DNAH7: variants seen among roughly 807,000 people sequenced by gnomAD.
The protein encoded by DNAH7 is axonemal beta dynein heavy chain 7.
DNAH7 carries 397 observed loss-of-function variants against 444.6 expected under a neutral mutation model. The observed-to-expected ratio is 0.89, with a 90% CI of 0.82 to 0.97. The LOEUF is 0.97. Among genes scored for constraint, DNAH7 ranks in the 50% least tolerant of loss-of-function variants. The pLI, the probability that DNAH7 is intolerant of heterozygous loss-of-function variation, is 0.00. For missense variants in DNAH7, 4,902 were observed against 4,800.8 expected (o/e 1.02, Z -0.62); for synonymous variants, 1,636 against 1,624.4 (o/e 1.01, Z -0.17).
chr2:195,862,476 A>G (rs1360552709), intron 41 of DNAH7, among the ~76,000 whole-genome samples: 1 of 152,142 alleles, frequency 6.6e-6, no homozygotes, highest in African/African-American at 2.4e-5. Flanking sequence ...AATATAAATC[A>G]GCTCATGTCA....
chr2:196,056,253 T>G (rs974385540), intron 2 of DNAH7, among the ~76,000 whole-genome samples: 22 of 152,016 alleles, frequency 1.4e-4, no homozygotes, highest in African/African-American at 5.3e-4. Flanking sequence ...GAGACCAGCC[T>G]GGCCAACATG....
In DNAH7 at chr2:195,865,014, C is replaced by A; in HGVS notation, c.6641G>T (p.Arg2214Leu). ...GTCCAGAAGGCGGTCATAATACACTCGAAGGACCTGTATAATAATTAAAAA... is the reference window on the plus strand; with the variant it reads ...GTCCAGAAGGCGGTCATAATACACTAGAAGGACCTGTATAATAATTAAAAA... ...IKRLWVHEVL[R>L]VYYDRLLDNT... Residue 2214 changes from arginine to leucine, a missense_variant, in exon 41 of 65, where the codon CGA becomes CTA. Physicochemically the swap from Arg to Leu is moderately radical, Grantham distance 102. Transcript: ENST00000312428. The A allele has an allele frequency of 6.3e-7, 1 of 1,588,026 alleles. No homozygotes were observed. The highest frequency in any genetic ancestry group is 1.1e-5 in the South Asian group (1 of 88,896).
intron 61 of DNAH7, 73 bp downstream of exon 61, chr2:195,771,587 A>C: frequency 8.8e-7 from 1 of 1,134,396 alleles, no homozygotes; most frequent in Non-Finnish European, 1.3e-6. Context: ...ATTTGTGCTA[A>C]ACAAGTATTT....
chr2:195,875,913 T>A, intron 37 of DNAH7, 70 bp from the exon 38 acceptor site: 2 of 1,410,886 alleles, frequency 1.4e-6, no homozygotes, highest in Non-Finnish European at 1.9e-6. Flanking sequence ...GTGTAAACAA[T>A]ATTGAGGCAA....
intron 9 of DNAH7, among the ~76,000 whole-genome samples, chr2:196,015,723 C>T (rs1694979773): frequency 6.6e-6 from 1 of 152,158 alleles, no homozygotes; most frequent in Non-Finnish European, 1.5e-5. Flanking sequence ...TTAACATTCC[C>T]CAACCCACTG....
chr2:196,010,022 G>T (rs192825239), intron 10 of DNAH7, among the ~76,000 whole-genome samples: 1 of 152,216 alleles, frequency 6.6e-6, no homozygotes, highest in African/African-American at 2.4e-5. Flanking sequence ...ATCTCACTCT[G>T]GTTAAAAATG....
At chr2:196,020,698 C>A (rs1312549695) in intron 8 of DNAH7, among the ~76,000 whole-genome samples, 2 of 151,556 alleles carry the variant, frequency 1.3e-5, no homozygotes, top group African/African-American at 2.4e-5. Flanking sequence ...GCAGCCTCCA[C>A]CTCCTGGGTT....
At chr2:195,897,392 A>C (rs577772927) in intron 29 of DNAH7, among the ~76,000 whole-genome samples, 40 of 152,290 alleles carry the variant, frequency 2.6e-4, no homozygotes, top group African/African-American at 9.4e-4. Flanking sequence ...CGGAGCCTGC[A>C]TTCTAGTGGA....
At position 195,748,256 on chromosome 2, in the gene DNAH7, T is replaced by C. The variant is rs187125211; in HGVS notation, c.11764+6081A>G. 2.5e-3 allele frequency among the ~76,000 whole-genome samples: 386 copies of C among 152,232 alleles called. 1 individual carries two copies. Among genetic ancestry groups the C allele is most frequent in the African/African-American group, 9.1e-3 (380 of 41,538 alleles). Reference sequence around the variant, plus strand: ...CACAACTTATTCAAAGAGAATAAAATACCTAGGAATCCAGCTTACAAGGGA... The same window carrying C: ...CACAACTTATTCAAAGAGAATAAAACACCTAGGAATCCAGCTTACAAGGGA... On this transcript the variant is annotated intron_variant, in intron 63 of 64. Coordinates refer to ENST00000312428, the MANE Select transcript of DNAH7 (RefSeq NM_018897.3).
chr2:195,853,311 G>A (rs1699497850), intron 46 of DNAH7, 32 bp downstream of exon 46: 1 of 1,579,550 alleles, frequency 6.3e-7, no homozygotes, highest in East Asian at 2.3e-5. Context: ...GATGGGCAGA[G>A]GGTCAGGAAG....
chr2:195,776,076 T>A, intron 59 of DNAH7, 93 bp from the exon 60 acceptor site: 1 of 1,475,206 alleles, frequency 6.8e-7, no homozygotes, highest in Non-Finnish European at 9.2e-7. Context: ...ATACTCAAGT[T>A]ATTGACTGGA....
chr2:196,019,390 T>G (rs1277189733), intron 8 of DNAH7, 95 bp from the exon 9 acceptor site: 1 of 946,156 alleles, frequency 1.1e-6, no homozygotes, highest in East Asian at 3.0e-5. Flanking sequence ...TTTAATAAAA[T>G]ATGTGCTGTA....
intron 64 of DNAH7, 23 bp from the exon 65 acceptor site, chr2:195,738,150 T>TTGA: frequency 4.4e-6 from 7 of 1,598,674 alleles, no homozygotes; most frequent in Non-Finnish European, 6.0e-6. Flanking sequence ...ACATAACACC[T>TTGA]CTTTAAGTCA....
chr2:195,974,580 C>T (rs995751885), intron 15 of DNAH7, among the ~76,000 whole-genome samples: 4 of 152,118 alleles, frequency 2.6e-5, no homozygotes, highest in African/African-American at 7.2e-5. Flanking sequence ...TGATGATACT[C>T]TCCATATTCA....
At chr2:195,917,616 C>T (rs1368828403) in intron 24 of DNAH7, among the ~76,000 whole-genome samples, 1 of 152,046 alleles carries the variant, frequency 6.6e-6, no homozygotes, top group Non-Finnish European at 1.5e-5. Flanking sequence ...TCAATCTCTC[C>T]TTCTGGCTTA....
chr2:195,911,911 A>T (rs1252147409), intron 24 of DNAH7, among the ~76,000 whole-genome samples: 1 of 152,242 alleles, frequency 6.6e-6, no homozygotes, highest in African/African-American at 2.4e-5. Flanking sequence ...CTGGTGAGTA[A>T]AGAAAATGAT....
Position 195,864,511 on chromosome 2 carries a change from CT to C in DNAH7, c.7143del (p.Val2382Ter). On this transcript the variant is annotated frameshift_variant, in exon 41 of 65. Coordinates refer to ENST00000312428, the MANE Select transcript of DNAH7 (RefSeq NM_018897.3). LOFTEE classifies it high-confidence loss of function. ...YDTTEWHEDLKVILRKCAEGE... is the reference protein window; with the variant it reads ...YDTTEWHEDLXVILRKCAEGE... The stretch of plus-strand genomic sequence containing the variant: ...CCTTCCGCACATTTCCTTAAGATCA[CT>C]TTTAAATCTTCATGCCATTCAGTAG... 6.2e-7 allele frequency: 1 copy of C among 1,614,170 alleles called. No homozygotes were observed.
intron 7 of DNAH7, among the ~76,000 whole-genome samples, chr2:196,026,296 TTAA>T (rs1222907916): frequency 1.3e-5 from 2 of 152,234 alleles, no homozygotes; most frequent in Non-Finnish European, 2.9e-5. Flanking sequence ...CAATTTTGTA[TTAA>T]TCACATTCTA....
At chr2:195,751,127 T>C (rs1013407860) in intron 63 of DNAH7, among the ~76,000 whole-genome samples, 2 of 152,304 alleles carry the variant, frequency 1.3e-5, no homozygotes, top group East Asian at 1.9e-4. Context: ...TAAAAGCCTC[T>C]AGTGGGATAA....
Sources: allele counts gnomAD v4.1 joint callset (sites outside exome capture counted in the v4.1 genomes callset), GRCh38; gene constraint gnomAD v4.1.1; transcripts MANE v1.5; gene names NCBI Gene and HGNC (gene_info 2026-07-23, HGNC 2026-07-21).